The following HS3ST4 variants were observed in gnomAD, a reference collection of about 807,000 sequenced individuals.
HS3ST4 encodes heparan sulfate glucosamine 3-O-sulfotransferase 4.
Under a neutral mutation model 29.2 loss-of-function variants are expected in HS3ST4, and 17 were observed. The observed-to-expected ratio is 0.58, with a 90% CI of 0.40 to 0.87. The LOEUF is 0.87. HS3ST4 is among the 40% of genes least tolerant of loss of function. HS3ST4 has a pLI of 0.00. For synonymous variants in HS3ST4, 314 were observed against 285.7 expected (o/e 1.10, Z -1.00); for missense variants, 627 against 634.5 (o/e 0.99, Z 0.13).
At chr16:26,020,061 C>T (rs1969398375) in intron 1 of HS3ST4, among the ~76,000 whole-genome samples, 3 of 152,162 alleles carry the variant, frequency 2.0e-5, no homozygotes, top group South Asian at 2.1e-4. Context: ...ACCGCCCCCC[C>T]TACCAAATAC....
chr16:25,887,541 T>C (rs1165196186), intron 1 of HS3ST4, among the ~76,000 whole-genome samples: 1 of 152,124 alleles, frequency 6.6e-6, no homozygotes, highest in Non-Finnish European at 1.5e-5. Flanking sequence ...AATTACTGAC[T>C]TGTGATGGGC....
At chr16:25,875,639 G>A (rs140977784) in intron 1 of HS3ST4, among the ~76,000 whole-genome samples, 7 of 152,246 alleles carry the variant, frequency 4.6e-5, no homozygotes, top group South Asian at 2.1e-4. Context: ...TCCTAGGCAC[G>A]TTAAGCTGTG....
intron 1 of HS3ST4, among the ~76,000 whole-genome samples, chr16:26,124,321 G>GT (rs78973589): frequency 0.22 from 33,040 of 152,040 alleles, 3,865 homozygotes; most frequent in East Asian, 0.38. Context: ...CAAACGAAGA[G>GT]TTTTTTTCTG....
intron 1 of HS3ST4, among the ~76,000 whole-genome samples, chr16:26,001,180 A>C (rs1224055911): frequency 1.3e-5 from 2 of 152,178 alleles, no homozygotes; most frequent in Non-Finnish European, 2.9e-5. Context: ...TTAGACAAAA[A>C]TTTGAATCAA....
chr16:25,832,708 TA>T (rs1276887137), intron 1 of HS3ST4, among the ~76,000 whole-genome samples: 20 of 152,312 alleles, frequency 1.3e-4, no homozygotes, highest in Admixed American at 2.0e-4. Flanking sequence ...GCATAAACCA[TA>T]AACAGTGGGC....
chr16:25,934,339 T>C (rs1968497125), intron 1 of HS3ST4, among the ~76,000 whole-genome samples: 1 of 152,198 alleles, frequency 6.6e-6, no homozygotes, highest in South Asian at 2.1e-4. Context: ...AAAGACCTCA[T>C]AGCACAGATG....
chr16:25,997,855 G>T (rs1161847180), intron 1 of HS3ST4, among the ~76,000 whole-genome samples: 1 of 152,146 alleles, frequency 6.6e-6, no homozygotes, highest in Non-Finnish European at 1.5e-5. Flanking sequence ...ATTCCCTAAA[G>T]AATAGGGATA....
At chr16:25,710,068 C>T (rs1485726411) in intron 1 of HS3ST4, among the ~76,000 whole-genome samples, 1 of 152,022 alleles carries the variant, frequency 6.6e-6, no homozygotes, top group African/African-American at 2.4e-5. Context: ...GATTTTATGC[C>T]ATTCTTTTCA....
intron 1 of HS3ST4, among the ~76,000 whole-genome samples, chr16:26,033,636 C>T (rs1054564020): frequency 3.3e-5 from 5 of 151,966 alleles, no homozygotes; most frequent in Admixed American, 1.3e-4. Context: ...GTGGGAAGCT[C>T]GCTTGAGCAC....
chr16:26,037,204 G>A (rs1038222004), intron 1 of HS3ST4, among the ~76,000 whole-genome samples: 1 of 152,184 alleles, frequency 6.6e-6, no homozygotes, highest in Non-Finnish European at 1.5e-5. Context: ...CTCCACTCTA[G>A]TCCTTCACCT....
At chr16:25,726,806 T>C (rs1056242695) in intron 1 of HS3ST4, among the ~76,000 whole-genome samples, 1 of 152,264 alleles carries the variant, frequency 6.6e-6, no homozygotes, top group African/African-American at 2.4e-5. Context: ...ATTATGTTAA[T>C]GTCCCATGCA....
At chr16:26,074,375 T>C (rs984390924) in intron 1 of HS3ST4, among the ~76,000 whole-genome samples, 11 of 152,234 alleles carry the variant, frequency 7.2e-5, no homozygotes, top group Non-Finnish European at 1.6e-4. Context: ...CCTTGTGGCA[T>C]GTTCCGGATG....
At chr16:26,076,389 T>C (rs993390677) in intron 1 of HS3ST4, among the ~76,000 whole-genome samples, 11 of 152,196 alleles carry the variant, frequency 7.2e-5, no homozygotes, top group African/African-American at 2.7e-4. Flanking sequence ...GGCTGAGGTA[T>C]TGGCATTAAT....
rs140702643 is a variant in HS3ST4 at position 26,047,273 on chromosome 16, G to A, written c.735-88339G>A. On this transcript the variant is annotated intron_variant, in intron 1 of 1. Coordinates refer to ENST00000331351, the MANE Select transcript of HS3ST4 (RefSeq NM_006040.3). ...AAGCCCCTGTAGGTCAGAAGTTGTA[G>A]CAGAAGTGCCTGGCTTTATTTTTCT... is the stretch of plus-strand genomic sequence containing the variant. Among the ~76,000 whole-genome samples, 611 of 152,358 alleles carry A rather than the reference G, an allele frequency of 4.0e-3. 3 individuals carry two copies. Among genetic ancestry groups the A allele is most frequent in the African/African-American group, 0.014 (596 of 41,576 alleles).
At chr16:25,695,524 A>G (rs983911354) in intron 1 of HS3ST4, among the ~76,000 whole-genome samples, 6 of 152,170 alleles carry the variant, frequency 3.9e-5, no homozygotes, top group African/African-American at 1.4e-4. Context: ...AGTTCCATCT[A>G]TCTCTTCAGA....
At chr16:26,049,193 T>C (rs1898305880) in intron 1 of HS3ST4, among the ~76,000 whole-genome samples, 1 of 151,960 alleles carries the variant, frequency 6.6e-6, no homozygotes. Flanking sequence ...AAAGAAAATA[T>C]TGAACAAAGC....
intron 1 of HS3ST4, among the ~76,000 whole-genome samples, chr16:25,915,664 T>C (rs1339626227): frequency 2.0e-5 from 3 of 152,236 alleles, no homozygotes; most frequent in Non-Finnish European, 4.4e-5. Context: ...TAAGTTTTCC[T>C]GGTGATTATA....
intron 1 of HS3ST4, among the ~76,000 whole-genome samples, chr16:26,016,628 A>G (rs367826660): frequency 5.3e-5 from 8 of 152,172 alleles, no homozygotes; most frequent in Non-Finnish European, 8.8e-5. Flanking sequence ...TGTACTTACC[A>G]TCTGTTTATG....
chr16:26,114,201 T>G, intron 1 of HS3ST4, among the ~76,000 whole-genome samples: 1 of 152,158 alleles, frequency 6.6e-6, no homozygotes, highest in East Asian at 1.9e-4. Context: ...ACCGGGCTCC[T>G]TGCTGAGGAA....
Sources: gnomAD v4.1 joint callset for allele counts (sites outside exome capture counted in the v4.1 genomes callset) on GRCh38, gnomAD v4.1.1 for gene constraint, MANE v1.5 for transcripts, NCBI Gene and HGNC (gene_info 2026-07-23, HGNC 2026-07-21) for gene names.